Variants in PKIB observed in about 807,000 individuals in gnomAD.
The protein encoded by PKIB is PKI-beta.
In PKIB, 2 loss-of-function variants were observed where a neutral mutation model predicts 4.5. The ratio of observed to expected loss-of-function variants is 0.44; its 90% CI spans 0.18 to 1.39. The LOEUF (loss-of-function observed/expected upper bound fraction) is 1.39. PKIB is among the 40% of genes most tolerant of loss of function. The probability of loss-of-function intolerance (pLI) is 0.27; values close to 1 mark genes in which losing one functional copy is unlikely to be tolerated. For missense variants in PKIB, 94 were observed against 92.6 expected, an observed-to-expected ratio of 1.02 and a Z score of -0.06; for synonymous variants, 38 against 36.0, an observed-to-expected ratio of 1.06 and a Z score of -0.20.
chr6:122,500,440 TAC>T (rs370394623), intron 2 of PKIB, among the ~76,000 whole-genome samples: 256 of 152,362 alleles, frequency 1.7e-3, no homozygotes, highest in Non-Finnish European at 3.0e-3. Flanking sequence ...GCATTACATT[TAC>T]ACAGTTAGCA....
At chr6:122,711,936 A>C (rs990591942) in intron 3 of PKIB, among the ~76,000 whole-genome samples, 12 of 152,308 alleles carry the variant, frequency 7.9e-5, no homozygotes, top group Admixed American at 3.3e-4. Context: ...AACATTAAAA[A>C]ATGTGCGTGT....
chr6:122,715,018 C>T (rs1779423486), intron 3 of PKIB, among the ~76,000 whole-genome samples: 1 of 151,480 alleles, frequency 6.6e-6, no homozygotes, highest in Non-Finnish European at 1.5e-5. Context: ...AACTTCTGGC[C>T]TCATGATCTG....
intron 2 of PKIB, among the ~76,000 whole-genome samples, chr6:122,560,655 A>C (rs949204039): frequency 1.3e-5 from 2 of 152,104 alleles, no homozygotes; most frequent in Non-Finnish European, 2.9e-5. Flanking sequence ...TCTGCTGTGA[A>C]TCCATCTGGT....
chr6:122,546,279 G>C (rs937883034), intron 2 of PKIB, among the ~76,000 whole-genome samples: 2 of 151,876 alleles, frequency 1.3e-5, no homozygotes. Context: ...GGGACTCTTG[G>C]TTGGACCCAA....
At chr6:122,668,075 A>C (rs1033219454) in intron 2 of PKIB, among the ~76,000 whole-genome samples, 4 of 152,234 alleles carry the variant, frequency 2.6e-5, no homozygotes, top group African/African-American at 9.6e-5. Context: ...TTCTTGGTGT[A>C]CAGCAATCTT....
intron 3 of PKIB, among the ~76,000 whole-genome samples, chr6:122,705,523 T>C (rs1779019089): frequency 6.6e-6 from 1 of 151,902 alleles, no homozygotes. Context: ...TATGCTTTAA[T>C]GGTTCTCCTT....
At chr6:122,581,561 G>T (rs916794789) in intron 2 of PKIB, among the ~76,000 whole-genome samples, 16 of 152,142 alleles carry the variant, frequency 1.1e-4, no homozygotes, top group East Asian at 1.9e-4. Flanking sequence ...TATAAATGTT[G>T]GAAAGCAATT....
At chr6:122,575,614 G>C (rs898169369) in intron 2 of PKIB, among the ~76,000 whole-genome samples, 1 of 152,128 alleles carries the variant, frequency 6.6e-6, no homozygotes, top group African/African-American at 2.4e-5. Flanking sequence ...AATGACTTTT[G>C]CAGCAGCTTG....
At chr6:122,516,830 T>A (rs1776769800) in intron 2 of PKIB, among the ~76,000 whole-genome samples, 1 of 151,990 alleles carries the variant, frequency 6.6e-6, no homozygotes, top group African/African-American at 2.4e-5. Context: ...AATGGAAAAG[T>A]GAGAGATTTT....
intron 2 of PKIB, among the ~76,000 whole-genome samples, chr6:122,528,484 A>G (rs1311559705): frequency 2.0e-5 from 3 of 152,174 alleles, no homozygotes; most frequent in Non-Finnish European, 4.4e-5. Context: ...AGGTCCCTGC[A>G]TGGTTAGGGT....
At chr6:122,536,285 A>C (rs1382019713) in intron 2 of PKIB, among the ~76,000 whole-genome samples, 3 of 152,346 alleles carry the variant, frequency 2.0e-5, no homozygotes, top group Non-Finnish European at 4.4e-5. Context: ...TGAAAAAAAG[A>C]CAGTGGAAAA....
chr6:122,496,469 A>G (rs554756118), intron 2 of PKIB, among the ~76,000 whole-genome samples: 19 of 152,356 alleles, frequency 1.2e-4, no homozygotes, highest in African/African-American at 4.3e-4. Flanking sequence ...AAGATTTAAA[A>G]TCAATACAAA....
At position 122,717,825 on chromosome 6, in the gene PKIB, G is replaced by T. The variant is rs749486807; in HGVS notation, c.31G>T (p.Val11Leu). The T allele has an allele frequency of 1.9e-6, 3 of 1,614,040 alleles. No individual in the cohort carries two copies. The highest frequency in any genetic ancestry group is 2.5e-6 in the Non-Finnish European group (3 of 1,179,970). MRTDSSKMTD[V>L]ESGVANFASS... The stretch of plus-strand genomic sequence containing the variant: ...GACAGATTCATCAAAAATGACTGAC[G>T]TGGAGTCTGGGGTCGCCAATTTTGC... Residue 11 changes from valine (V) to leucine (L), a missense_variant, in exon 4 of 5, where the codon GTG becomes TTG. Physicochemically the swap from Val to Leu is conservative, Grantham distance 32 (BLOSUM62 1). Coordinates refer to ENST00000368452, the MANE Select transcript of PKIB (RefSeq NM_181795.3).
chr6:122,558,220 C>T (rs1399365337), intron 2 of PKIB, among the ~76,000 whole-genome samples: 1 of 152,176 alleles, frequency 6.6e-6, no homozygotes, highest in African/African-American at 2.4e-5. Context: ...TGCTTCTCAG[C>T]TCTGATTTCT....
At chr6:122,479,775 G>A (rs1775553099) in intron 2 of PKIB, 1 of 152,108 alleles carries the variant, frequency 6.6e-6, no homozygotes, top group Non-Finnish European at 1.5e-5. Flanking sequence ...AATCTCAAAA[G>A]TTTTAAGTTC....
intron 2 of PKIB, among the ~76,000 whole-genome samples, chr6:122,519,988 A>G (rs749806812): frequency 5.3e-5 from 8 of 152,184 alleles, no homozygotes; most frequent in Non-Finnish European, 1.0e-4. Flanking sequence ...CCACCTTCCA[A>G]GATTCCCTCT....
chr6:122,510,524 A>G (rs1435689030), intron 2 of PKIB, among the ~76,000 whole-genome samples: 3 of 152,148 alleles, frequency 2.0e-5, no homozygotes, highest in African/African-American at 7.2e-5. Context: ...ATCTATAATA[A>G]CAAGTGGCCA....
rs1454894808 is a variant in PKIB, at chr6:122,564,094, C to T, written c.-247-21827C>T. Among the ~76,000 whole-genome samples the T allele has an allele frequency of 2.0e-5, 3 of 152,188 alleles. No homozygotes were observed. In the East Asian group the frequency reaches 5.8e-4, roughly 29 times the overall value. ...CAGGTAAGGTCGGAAACTTCTCCCG[C>T]AAACAGACCTTCAACTTTTCCAGTG... is the stretch of plus-strand genomic sequence containing the variant. On this transcript the variant is annotated intron_variant, in intron 2 of 6. Coordinates refer to the PKIB transcript ENST00000392491.
At chr6:122,560,482 T>C (rs887887066) in intron 2 of PKIB, among the ~76,000 whole-genome samples, 2 of 152,180 alleles carry the variant, frequency 1.3e-5, no homozygotes, top group African/African-American at 4.8e-5. Context: ...TCATCAAAGA[T>C]ATCAGTCTGT....
Sources: allele counts gnomAD v4.1 joint callset (sites outside exome capture counted in the v4.1 genomes callset), GRCh38; gene constraint gnomAD v4.1.1; transcripts MANE v1.5; gene names NCBI Gene and HGNC (gene_info 2026-07-23, HGNC 2026-07-21).